Variants in PALLD observed in about 807,000 individuals in gnomAD.
PALLD encodes palladin, cytoskeletal associated protein.
PALLD carries 61 observed loss-of-function variants against 123.5 expected under a neutral mutation model. The ratio of observed to expected loss-of-function variants is 0.49; its 90% CI spans 0.40 to 0.61. The LOEUF is 0.61. Ranked by LOEUF, PALLD falls within the 20% of genes least tolerant of loss-of-function variation. The probability of loss-of-function intolerance (pLI) is 0.00; values close to 1 mark genes in which losing one functional copy is unlikely to be tolerated. For synonymous variants in PALLD, 465 were observed against 496.4 expected, an observed-to-expected ratio of 0.94 and a Z score of 0.84; for missense variants, 1,273 against 1,377.0, an observed-to-expected ratio of 0.92 and a Z score of 1.20.
In PALLD at chr4:168,522,433, A is replaced by G. The variant is rs79944998; in HGVS notation, c.908+10021A>G. The stretch of plus-strand genomic sequence containing the variant: ...ACTAGTATCAAATAGTTGTTTTGAA[A>G]GAATTTGACCCTGAAGTTTCAGATA... On this transcript the variant is annotated intron_variant, in intron 2 of 21. Coordinates refer to ENST00000505667, the MANE Select transcript of PALLD (RefSeq NM_001166108.2). Among the ~76,000 whole-genome samples, 915 of 152,360 alleles carry G rather than the reference A, an allele frequency of 6.0e-3. 4 individuals carry two copies. Among genetic ancestry groups the G allele is most frequent in the Non-Finnish European group, 0.01 (691 of 68,020 alleles).
chr4:168,666,180 A>G lies in PALLD; in HGVS notation c.909-2010A>G, dbSNP rs80142255. ...ATACTAGTCACTTAGGTAGTTGGCA[A>G]ATGTTTCCCTGTGGAGTACATCTAA... On this transcript the variant is annotated intron_variant, in intron 2 of 21. Coordinates refer to ENST00000505667, the MANE Select transcript of PALLD (RefSeq NM_001166108.2). Among the ~76,000 whole-genome samples, 534 of 152,320 alleles carry G rather than the reference A, an allele frequency of 3.5e-3. 6 individuals are homozygous for G. Among genetic ancestry groups the G allele is most frequent in the African/African-American group, 0.012 (500 of 41,592 alleles).
At chr4:168,708,294 C>A (rs1332601763) in intron 8 of PALLD, among the ~76,000 whole-genome samples, 1 of 152,200 alleles carries the variant, frequency 6.6e-6, no homozygotes, top group Non-Finnish European at 1.5e-5. Context: ...CATCATCCCC[C>A]TCACAATAAC....
chr4:168,531,461 T>A (rs186268633), intron 2 of PALLD, among the ~76,000 whole-genome samples: 3 of 152,302 alleles, frequency 2.0e-5, no homozygotes, highest in Admixed American at 2.0e-4. Context: ...TACCACTCAG[T>A]GTCCGGCACT....
chr4:168,740,022 G>A (rs1788174219), intron 10 of PALLD, among the ~76,000 whole-genome samples: 1 of 152,172 alleles, frequency 6.6e-6, no homozygotes, highest in Admixed American at 6.5e-5. Context: ...CAGGCAGCAT[G>A]ATAATTCATT....
At chr4:168,638,236 A>G (rs1776543332) in intron 2 of PALLD, among the ~76,000 whole-genome samples, 1 of 152,192 alleles carries the variant, frequency 6.6e-6, no homozygotes, top group Non-Finnish European at 1.5e-5. Flanking sequence ...TGGAAACTAT[A>G]TTCTCACAAA....
intron 10 of PALLD, among the ~76,000 whole-genome samples, chr4:168,867,571 C>T (rs567992166): frequency 1.3e-5 from 2 of 152,298 alleles, no homozygotes; most frequent in South Asian, 4.1e-4. Flanking sequence ...CCCCCCTCCA[C>T]CTCATTCTAG....
intron 10 of PALLD, among the ~76,000 whole-genome samples, chr4:168,809,318 CCTTCTTCTTCTT>C (rs72109616): frequency 4.9e-5 from 7 of 143,632 alleles, no homozygotes; most frequent in African/African-American, 1.2e-4. Context: ...CCTTATAAAT[CCTTCTTCTTCTT>C]CTTCTTCTTC....
chr4:168,582,878 A>C (rs1364358743), intron 2 of PALLD, among the ~76,000 whole-genome samples: 1 of 152,150 alleles, frequency 6.6e-6, no homozygotes, highest in African/African-American at 2.4e-5. Flanking sequence ...CCTCCAACCT[A>C]AGCCAGTGCC....
At chr4:168,657,424 A>G (rs1296392425) in intron 2 of PALLD, among the ~76,000 whole-genome samples, 2 of 152,244 alleles carry the variant, frequency 1.3e-5, no homozygotes, top group African/African-American at 4.8e-5. Context: ...TTTCACGAAT[A>G]AGGAAACTAT....
At chr4:168,878,071 G>T (rs1326136039) in intron 10 of PALLD, 1 of 1,460,658 alleles carries the variant, frequency 6.8e-7, no homozygotes, top group South Asian at 1.3e-5. Flanking sequence ...CGCCGAGGCA[G>T]TTCGGCCGCG....
intron 2 of PALLD, among the ~76,000 whole-genome samples, chr4:168,662,120 A>G (rs576100846): frequency 2.0e-5 from 3 of 152,330 alleles, no homozygotes; most frequent in African/African-American, 7.2e-5. Flanking sequence ...AGAAGTTCAG[A>G]ATGGGAATGT....
chr4:168,775,103 A>AT (rs1221132471), intron 10 of PALLD, among the ~76,000 whole-genome samples: 1 of 151,996 alleles, frequency 6.6e-6, no homozygotes, highest in Non-Finnish European at 1.5e-5. Flanking sequence ...ATCATTTTCA[A>AT]TTTTTTACTA....
At chr4:168,697,169 G>GA (rs1783210177) in intron 8 of PALLD, among the ~76,000 whole-genome samples, 2 of 152,154 alleles carry the variant, frequency 1.3e-5, no homozygotes, top group East Asian at 1.9e-4. Context: ...TCAAAATTGT[G>GA]AAAAAAGTTA....
chr4:168,754,498 C>T (rs1731501810), intron 10 of PALLD, among the ~76,000 whole-genome samples: 1 of 152,066 alleles, frequency 6.6e-6, no homozygotes, highest in African/African-American at 2.4e-5. Flanking sequence ...TTGTGGATTC[C>T]CAAATATTAC....
chr4:168,856,787 T>C lies in PALLD; in HGVS notation c.1965-34135T>C, dbSNP rs114254616. ...CTCCAGAGCCTACATGGCTAAGAAG[T>C]ACAGCATTACCTTTCATTCCTAAAC... On this transcript the variant is annotated intron_variant, in intron 10 of 21. Transcript: ENST00000505667. Among the ~76,000 whole-genome samples the C allele has an allele frequency of 6.2e-3, 952 of 152,360 alleles. 16 individuals are homozygous for C. Among genetic ancestry groups the C allele is most frequent in the African/African-American group, 0.022 (898 of 41,568 alleles).
intron 5 of PALLD, among the ~76,000 whole-genome samples, chr4:168,683,969 T>C (rs1781790872): frequency 6.6e-6 from 1 of 152,198 alleles, no homozygotes; most frequent in African/African-American, 2.4e-5. Context: ...AATCAACAAG[T>C]ATCAGTTACT....
At chr4:168,670,959 A>G (rs965834355) in intron 3 of PALLD, among the ~76,000 whole-genome samples, 73 of 151,486 alleles carry the variant, frequency 4.8e-4, no homozygotes, top group African/African-American at 1.7e-3. Context: ...CCAGCTACCC[A>G]GGAGACTGAG....
At chr4:168,882,813 C>T (rs748793437) in intron 10 of PALLD, among the ~76,000 whole-genome samples, 3 of 152,108 alleles carry the variant, frequency 2.0e-5, no homozygotes, top group Non-Finnish European at 4.4e-5. Flanking sequence ...CAGACCTGTA[C>T]GGCTGTGTAC....
chr4:168,553,821 T>C (rs6857016), intron 2 of PALLD, among the ~76,000 whole-genome samples: 79,345 of 151,860 alleles, frequency 0.52, 21,074 homozygotes, highest in East Asian at 0.83. Context: ...TTCCTCTTAC[T>C]GGAATGTTCT....
Sources: allele counts gnomAD v4.1 joint callset (sites outside exome capture counted in the v4.1 genomes callset), GRCh38; gene constraint gnomAD v4.1.1; transcripts MANE v1.5; gene names NCBI Gene and HGNC (gene_info 2026-07-23, HGNC 2026-07-21).